The following PSMD14 variants were observed in gnomAD, a reference collection of about 807,000 sequenced individuals.
PSMD14 encodes proteasome 26S subunit, non-ATPase 14.
Under a neutral mutation model 41.2 loss-of-function variants are expected in PSMD14, and 7 were observed. The ratio of observed to expected loss-of-function variants is 0.17; its 90% confidence interval spans 0.10 to 0.32. The LOEUF (loss-of-function observed/expected upper bound fraction) is 0.32. Ranked by LOEUF, PSMD14 falls within the 10% of genes least tolerant of loss-of-function variation. The pLI is 1.00. For missense variants in PSMD14, 139 were observed against 375.6 expected, an observed-to-expected ratio of 0.37 and a Z score of 5.21; for synonymous variants, 114 against 122.3, an observed-to-expected ratio of 0.93 and a Z score of 0.45.
chr2:161,312,198 C>T (rs1472002523), intron 1 of PSMD14, among the ~76,000 whole-genome samples: 14 of 149,886 alleles, frequency 9.3e-5, no homozygotes, highest in African/African-American at 2.7e-4. Flanking sequence ...GGCTGGAGTG[C>T]GGTGGCGCGA....
intron 3 of PSMD14, among the ~76,000 whole-genome samples, chr2:161,330,826 A>G (rs985794881): frequency 2.0e-5 from 3 of 152,304 alleles, no homozygotes; most frequent in Non-Finnish European, 2.9e-5. Flanking sequence ...TAATAAAAAT[A>G]ATAAAAATTA....
Position 161,411,412 on chromosome 2 carries a change from A to T in PSMD14, c.*12A>T. 19 of 1,566,348 alleles carry T rather than the reference A, an allele frequency of 1.2e-5. No individual in the cohort carries two copies. Among genetic ancestry groups the T allele is most frequent in the Non-Finnish European group, 1.5e-5 (17 of 1,142,372 alleles). ...TCGTATTTAAATAAAGCAACGAAAAACGCTATTAATGATGCCTTCAGTGTA... is the reference window on the plus strand; with the variant it reads ...TCGTATTTAAATAAAGCAACGAAAATCGCTATTAATGATGCCTTCAGTGTA... On this transcript the variant is annotated 3_prime_UTR_variant, in exon 12 of 12. Coordinates refer to ENST00000409682, the MANE Select transcript of PSMD14 (RefSeq NM_005805.6).
chr2:161,392,575 A>G (rs1334424276), intron 9 of PSMD14, among the ~76,000 whole-genome samples: 1 of 152,098 alleles, frequency 6.6e-6, no homozygotes, highest in African/African-American at 2.4e-5. Flanking sequence ...TTTAAGTTTG[A>G]TAAACTAGAG....
rs769899918 is a variant in PSMD14 at position 161,408,866 on chromosome 2, T to C, written c.801T>C (p.Pro267=). 7 of 1,607,370 alleles carry C rather than the reference T, an allele frequency of 4.4e-6. No individual in the cohort carries two copies. Among genetic ancestry groups the C allele is most frequent in the Non-Finnish European group, 6.0e-6 (7 of 1,175,130 alleles). ...TAGAAGAAGAAGATAAGATGACACC[T>C]GAACAGCTGGCAATAAAGAATGTTG... ...KAVEEEDKMT[P]EQLAIKNVGK... is the part of the protein sequence containing the mutation. The change falls in exon 11 of 12, where the codon CCT becomes CCC. Residue 267 remains proline, a synonymous_variant. Coordinates refer to ENST00000409682, the MANE Select transcript of PSMD14 (RefSeq NM_005805.6).
At chr2:161,310,676 A>G (rs551815621) in intron 1 of PSMD14, among the ~76,000 whole-genome samples, 3 of 152,262 alleles carry the variant, frequency 2.0e-5, no homozygotes, top group African/African-American at 7.2e-5. Context: ...CTTTGGACGT[A>G]TTTTTACAAC....
chr2:161,378,859 A>G (rs1280781908), intron 7 of PSMD14, among the ~76,000 whole-genome samples: 1 of 152,052 alleles, frequency 6.6e-6, no homozygotes, highest in African/African-American at 2.4e-5. Flanking sequence ...GATAATTTCT[A>G]TATAGTATTT....
At chr2:161,327,527 C>G (rs72876083) in intron 3 of PSMD14, among the ~76,000 whole-genome samples, 1 of 151,894 alleles carries the variant, frequency 6.6e-6, no homozygotes, top group Non-Finnish European at 1.5e-5. Context: ...CTTCCCCAAT[C>G]CCCCCATTTT....
At chr2:161,363,348 T>G (rs1001929697) in intron 3 of PSMD14, among the ~76,000 whole-genome samples, 3 of 152,234 alleles carry the variant, frequency 2.0e-5, no homozygotes, top group Admixed American at 2.0e-4. Context: ...AACTTTTTAC[T>G]GTACATTTTG....
chr2:161,349,698 G>A (rs1388217236), intron 3 of PSMD14, among the ~76,000 whole-genome samples: 1 of 152,182 alleles, frequency 6.6e-6, no homozygotes, highest in Non-Finnish European at 1.5e-5. Context: ...ATGAGGAGAA[G>A]AGTTGTAGCA....
At chr2:161,314,600 A>G (rs189544818) in intron 1 of PSMD14, among the ~76,000 whole-genome samples, 88 of 152,154 alleles carry the variant, frequency 5.8e-4, no homozygotes, top group Non-Finnish European at 9.7e-4. Flanking sequence ...GTCTCTATGG[A>G]TTTATTGGAT....
intron 10 of PSMD14, among the ~76,000 whole-genome samples, chr2:161,405,845 A>G (rs1237672235): frequency 6.6e-6 from 1 of 152,140 alleles, no homozygotes; most frequent in Non-Finnish European, 1.5e-5. Context: ...CAAAGTTAAC[A>G]TGTTAATGTG....
chr2:161,371,097 G>C, intron 6 of PSMD14, 75 bp from the exon 7 acceptor site: 1 of 1,473,100 alleles, frequency 6.8e-7, no homozygotes, highest in South Asian at 1.3e-5. Flanking sequence ...TACCCCGTTA[G>C]TGTGTTGTTT....
At chr2:161,390,142 C>A (rs1294722961) in intron 8 of PSMD14, among the ~76,000 whole-genome samples, 1 of 151,628 alleles carries the variant, frequency 6.6e-6, no homozygotes, top group Non-Finnish European at 1.5e-5. Context: ...ATTAAATGTT[C>A]TCTTCTTTAC....
chr2:161,401,242 G>A (rs1025870414), intron 10 of PSMD14, among the ~76,000 whole-genome samples: 4 of 152,046 alleles, frequency 2.6e-5, no homozygotes, highest in Admixed American at 6.5e-5. Flanking sequence ...TGTATATAAC[G>A]TACAAAATAT....
intron 3 of PSMD14, among the ~76,000 whole-genome samples, chr2:161,345,468 C>A (rs112914246): frequency 1.3e-5 from 2 of 151,936 alleles, no homozygotes; most frequent in Non-Finnish European, 2.9e-5. Context: ...GTCTCAAACT[C>A]CTGACCTCAA....
At chr2:161,321,076 A>G (rs1326841604) in intron 3 of PSMD14, among the ~76,000 whole-genome samples, 2 of 152,226 alleles carry the variant, frequency 1.3e-5, no homozygotes, top group Non-Finnish European at 2.9e-5. Context: ...GATAATAGCT[A>G]TCTTTTCATT....
At chr2:161,411,222 C>CAGCT in intron 11 of PSMD14, 80 bp from the exon 12 acceptor site, 1 of 795,194 alleles carries the variant, frequency 1.3e-6, no homozygotes, top group Non-Finnish European at 1.9e-6. Flanking sequence ...CTAGTTTCAT[C>CAGCT]AGCTACTGAA....
At chr2:161,338,437 T>C (rs1374861975) in intron 3 of PSMD14, among the ~76,000 whole-genome samples, 1 of 152,004 alleles carries the variant, frequency 6.6e-6, no homozygotes, top group African/African-American at 2.4e-5. Flanking sequence ...ATAACCTGTA[T>C]TTGTTGAGCT....
chr2:161,359,927 C>T (rs1312360583), intron 3 of PSMD14, among the ~76,000 whole-genome samples: 2 of 152,180 alleles, frequency 1.3e-5, no homozygotes, highest in Non-Finnish European at 2.9e-5. Context: ...TTGATTACCT[C>T]ACAAGCTTCT....
Sources: allele counts gnomAD v4.1 joint callset (sites outside exome capture counted in the v4.1 genomes callset), GRCh38; gene constraint gnomAD v4.1.1; transcripts MANE v1.5; gene names NCBI Gene and HGNC (gene_info 2026-07-23, HGNC 2026-07-21).